GUCY1A2: variants seen among roughly 807,000 people sequenced by gnomAD.
GUCY1A2 encodes the protein guanylate cyclase soluble subunit alpha-2.
A neutral mutation model predicts 63.5 loss-of-function variants in GUCY1A2; 27 were observed. The ratio of observed to expected loss-of-function variants is 0.43; its 90% CI spans 0.31 to 0.59. GUCY1A2 has a LOEUF of 0.59. GUCY1A2 is among the 20% of genes least tolerant of loss of function. GUCY1A2 has a pLI of 0.11. For missense variants in GUCY1A2, 768 were observed against 913.3 expected (o/e 0.84, Z 2.05); for synonymous variants, 364 against 343.5 (o/e 1.06, Z -0.66).
intron 4 of GUCY1A2, among the ~76,000 whole-genome samples, chr11:106,905,610 A>G (rs1002791187): frequency 6.6e-6 from 1 of 152,132 alleles, no homozygotes; most frequent in Non-Finnish European, 1.5e-5. Context: ...GACAGAAAAG[A>G]AGCCCAAATA....
intron 5 of GUCY1A2, among the ~76,000 whole-genome samples, chr11:106,809,012 A>T (rs528634877): frequency 6.6e-6 from 1 of 152,122 alleles, no homozygotes; most frequent in Non-Finnish European, 1.5e-5. Flanking sequence ...CATTGGCTAC[A>T]TAGTCTACAT....
At chr11:106,827,384 C>T (rs1858986145) in intron 4 of GUCY1A2, 2 of 1,536,838 alleles carry the variant, frequency 1.3e-6, no homozygotes, top group African/African-American at 1.4e-5. Flanking sequence ...GCCCAAATCA[C>T]TTCACAGCCT....
chr11:106,947,030 A>G (rs978167798), intron 3 of GUCY1A2, among the ~76,000 whole-genome samples: 6 of 152,116 alleles, frequency 3.9e-5, no homozygotes, highest in Non-Finnish European at 7.4e-5. Flanking sequence ...CAGCCTGGCC[A>G]AGATGGTGAA....
At chr11:106,806,921 C>T (rs535524060) in intron 5 of GUCY1A2, among the ~76,000 whole-genome samples, 16 of 152,214 alleles carry the variant, frequency 1.1e-4, no homozygotes, top group African/African-American at 3.9e-4. Flanking sequence ...CTATCATCTG[C>T]CTGATGATAG....
intron 4 of GUCY1A2, among the ~76,000 whole-genome samples, chr11:106,938,993 G>A (rs1020061966): frequency 6.6e-6 from 1 of 152,080 alleles, no homozygotes; most frequent in Admixed American, 6.6e-5. Context: ...TGCATATTAA[G>A]ACAAAAATAG....
At chr11:106,700,971 T>C (rs1862808009) in intron 7 of GUCY1A2, among the ~76,000 whole-genome samples, 1 of 152,178 alleles carries the variant, frequency 6.6e-6, no homozygotes, top group Admixed American at 6.5e-5. Flanking sequence ...AGTTTCTAGC[T>C]AGTGTTTTTG....
At chr11:106,892,540 C>T (rs183717130) in intron 4 of GUCY1A2, among the ~76,000 whole-genome samples, 1 of 152,068 alleles carries the variant, frequency 6.6e-6, no homozygotes, top group Non-Finnish European at 1.5e-5. Flanking sequence ...ATCTTCCTAC[C>T]TTTGTTCTTA....
intron 6 of GUCY1A2, among the ~76,000 whole-genome samples, chr11:106,766,715 G>A (rs999045263): frequency 1.3e-5 from 2 of 151,986 alleles, no homozygotes; most frequent in Non-Finnish European, 2.9e-5. Context: ...TGTCTTATGT[G>A]TTGTATCTTG....
intron 1 of GUCY1A2, among the ~76,000 whole-genome samples, chr11:107,014,590 T>C (rs1861794432): frequency 6.6e-6 from 1 of 152,210 alleles, no homozygotes; most frequent in Admixed American, 6.5e-5. Flanking sequence ...TATTATAACC[T>C]TTATACTCAA....
chr11:106,919,996 C>T (rs1044417170), intron 4 of GUCY1A2, among the ~76,000 whole-genome samples: 20 of 151,992 alleles, frequency 1.3e-4, no homozygotes, highest in African/African-American at 4.6e-4. Context: ...AACCACAGTT[C>T]AAAAAATTAC....
chr11:106,740,975 A>T (rs1863685183), intron 6 of GUCY1A2, among the ~76,000 whole-genome samples: 1 of 152,188 alleles, frequency 6.6e-6, no homozygotes, highest in Non-Finnish European at 1.5e-5. Context: ...GCCTGGCTCC[A>T]ATTTATGATA....
At chr11:106,742,816 G>A (rs951712194) in intron 6 of GUCY1A2, among the ~76,000 whole-genome samples, 3 of 152,084 alleles carry the variant, frequency 2.0e-5, no homozygotes, top group African/African-American at 4.8e-5. Context: ...CATTGTAAAC[G>A]CTTTCAAATG....
chr11:106,904,582 C>CT (rs1860178299), intron 4 of GUCY1A2, among the ~76,000 whole-genome samples: 2 of 152,066 alleles, frequency 1.3e-5, no homozygotes, highest in South Asian at 4.1e-4. Flanking sequence ...CTTTTTAAAG[C>CT]TTTTTTTAAT....
intron 5 of GUCY1A2, among the ~76,000 whole-genome samples, chr11:106,778,348 G>A (rs1004952694): frequency 3.9e-5 from 6 of 152,056 alleles, no homozygotes; most frequent in Admixed American, 6.6e-5. Context: ...ACATCTTTCT[G>A]CTTTAACGTT....
At chr11:107,003,559 A>G (rs1861635866) in intron 1 of GUCY1A2, among the ~76,000 whole-genome samples, 1 of 152,190 alleles carries the variant, frequency 6.6e-6, no homozygotes, top group East Asian at 1.9e-4. Flanking sequence ...TTCCAATCCC[A>G]TATCTTCAAT....
At chr11:106,843,432 T>A (rs1859227775) in intron 4 of GUCY1A2, among the ~76,000 whole-genome samples, 1 of 151,654 alleles carries the variant, frequency 6.6e-6, no homozygotes, top group African/African-American at 2.4e-5. Context: ...AAAAAGTAGA[T>A]GAACATAGAG....
chr11:106,962,367 T>C lies in GUCY1A2; in HGVS notation c.487+16252A>G, dbSNP rs368641739. The stretch of plus-strand genomic sequence containing the variant: ...GAGATCGAGACCATCCTGGCTAACA[T>C]GGTGAAACCCCATCTCCACTTAAAA... On this transcript the variant is annotated intron_variant, in intron 3 of 7. Coordinates refer to ENST00000526355, the MANE Select transcript of GUCY1A2 (RefSeq NM_000855.3). Among the ~76,000 whole-genome samples the C allele has an allele frequency of 6.9e-5, 10 of 144,520 alleles. No individual in the cohort carries two copies. In the South Asian group the frequency reaches 1.3e-3, roughly 19 times the overall value. The allele number at this position is 144,520 out of a possible 152,430, so 94.8% of individuals were successfully genotyped here.
At chr11:106,896,592 C>A (rs1326075889) in intron 4 of GUCY1A2, among the ~76,000 whole-genome samples, 1 of 152,126 alleles carries the variant, frequency 6.6e-6, no homozygotes, top group Admixed American at 6.6e-5. Context: ...TCTCACAATC[C>A]ACTCTCATGA....
intron 5 of GUCY1A2, 59 bp from the exon 6 acceptor site, chr11:106,776,641 T>C (rs1444355993): frequency 6.7e-7 from 1 of 1,490,250 alleles, no homozygotes; most frequent in South Asian, 1.2e-5. Flanking sequence ...AGAGAAATGA[T>C]TAGTTATCTG....
Sources: allele counts gnomAD v4.1 joint callset (sites outside exome capture counted in the v4.1 genomes callset), GRCh38; gene constraint gnomAD v4.1.1; transcripts MANE v1.5; gene names NCBI Gene and HGNC (gene_info 2026-07-23, HGNC 2026-07-21).